The following ELMO2 variants were observed in gnomAD, a reference collection of about 807,000 sequenced individuals.
The protein encoded by ELMO2 is engulfment and cell motility 2.
In ELMO2, 37 loss-of-function variants were observed where a neutral mutation model predicts 96.2. The observed-to-expected ratio is 0.38, with a 90% CI of 0.30 to 0.51. The LOEUF (loss-of-function observed/expected upper bound fraction) is 0.51, where lower values mean the gene tolerates loss of function less well. Ranked by LOEUF, ELMO2 falls within the 20% of genes least tolerant of loss-of-function variation. The pLI, the probability that ELMO2 is intolerant of heterozygous loss-of-function variation, is 0.88. For synonymous variants in ELMO2, 315 were observed against 329.4 expected, an observed-to-expected ratio of 0.96 and a Z score of 0.47; for missense variants, 561 against 912.6, an observed-to-expected ratio of 0.61 and a Z score of 4.96.
intron 16 of ELMO2, among the ~76,000 whole-genome samples, chr20:46,372,608 G>A (rs2059746849): frequency 6.6e-6 from 1 of 152,206 alleles, no homozygotes; most frequent in African/African-American, 2.4e-5. Flanking sequence ...TCCAGCCTGG[G>A]TGACAAGAGT....
At chr20:46,377,568 A>G (rs1555826579) in intron 11 of ELMO2, among the ~76,000 whole-genome samples, 2 of 152,258 alleles carry the variant, frequency 1.3e-5, no homozygotes, top group African/African-American at 2.4e-5. Context: ...ATTACAAATT[A>G]GGTCCTCAGC....
chr20:46,383,315 GA>G, intron 10 of ELMO2, 100 bp downstream of exon 10: 1 of 1,280,456 alleles, frequency 7.8e-7, no homozygotes, highest in Admixed American at 1.7e-5. Context: ...GAACTCTTGG[GA>G]AAATTGCTGG....
At chr20:46,372,697 T>C (rs2059750028) in intron 16 of ELMO2, 1 of 152,186 alleles carries the variant, frequency 6.6e-6, no homozygotes, top group African/African-American at 2.4e-5. Context: ...TTTAAAAAAA[T>C]GCATTGGTCC....
chr20:46,382,994 G>A (rs1461266604), intron 10 of ELMO2, among the ~76,000 whole-genome samples: 1 of 152,192 alleles, frequency 6.6e-6, no homozygotes, highest in Non-Finnish European at 1.5e-5. Context: ...TAACCCAGGA[G>A]TTGGCAAACT....
chr20:46,383,035 G>A (rs1443292001), intron 10 of ELMO2, among the ~76,000 whole-genome samples: 1 of 152,144 alleles, frequency 6.6e-6, no homozygotes, highest in Non-Finnish European at 1.5e-5. Flanking sequence ...GCCTGTTTTT[G>A]TAAATAAGAT....
intron 1 of ELMO2, among the ~76,000 whole-genome samples, chr20:46,402,094 G>T (rs538247339): frequency 6.6e-6 from 1 of 152,168 alleles, no homozygotes; most frequent in Non-Finnish European, 1.5e-5. Flanking sequence ...GATAAGGTCC[G>T]AGAAACAGTG....
In ELMO2 at chr20:46,367,273, C is replaced by T. The variant is rs992743946; in HGVS notation, c.*87G>A. ...CACCAAAATCACTACAGATTCTGTA[C>T]AAGCAAAAGACAAGGCACCAGAATG... On this transcript the variant is annotated 3_prime_UTR_variant, in exon 22 of 22. Transcript: ENST00000290246. 9 of 1,283,738 alleles carry T rather than the reference C, an allele frequency of 7.0e-6. No homozygotes were observed. In the African/African-American group the frequency reaches 7.7e-5, roughly 11 times the overall value. The allele number at this position is 1,283,738 out of a possible 1,614,324, so 79.5% of individuals were successfully genotyped here. A position where few individuals can be genotyped will look rare whatever the true frequency, so the allele number is the denominator to read the frequency against.
chr20:46,404,756 T>G (rs1568796146), intron 1 of ELMO2, among the ~76,000 whole-genome samples: 1 of 152,206 alleles, frequency 6.6e-6, no homozygotes, highest in East Asian at 1.9e-4. Flanking sequence ...AATATCCCAT[T>G]AATAATGTTT....
At position 46,389,128 on chromosome 20, in the gene ELMO2, G is replaced by A. The variant is rs376369485; in HGVS notation, c.336C>T (p.Ala112=). 3.8e-5 allele frequency: 61 copies of A among 1,614,046 alleles called. No homozygotes were observed. Among genetic ancestry groups the A allele is most frequent in the Non-Finnish European group, 4.8e-5 (57 of 1,180,032 alleles). The change falls in exon 7 of 22, where the codon GCC becomes GCT. Residue 112 remains alanine, a synonymous_variant. Coordinates refer to ENST00000290246, the MANE Select transcript of ELMO2 (RefSeq NM_133171.5). ...DAMKELAKLS[A]DVTFATEFIN... is the part of the protein sequence containing the mutation. ...TGAACTCAGTAGCGAAAGTCACGTC[G>A]GCAGAGAGCTTGGCCAGCTCCTTCA...
At position 46,367,079 on chromosome 20, in the gene ELMO2, G is replaced by C. The variant is rs2059598317; in HGVS notation, c.*281C>G. On this transcript the variant is annotated 3_prime_UTR_variant, in exon 22 of 22. Transcript: ENST00000290246. ...AATCCATTTCAAGAAGCAGTTTCTT[G>C]GACTGGAAGGCAAGGGCATCTGCTG... The C allele has an allele frequency of 3.2e-6, 1 of 310,794 alleles. No individual in the cohort carries two copies. The highest frequency in any genetic ancestry group is 5.9e-6 in the Non-Finnish European group (1 of 170,740). 19.3% of individuals were successfully genotyped at this position (310,794 alleles called of 1,614,324 possible). A position where few individuals can be genotyped will look rare whatever the true frequency, so the allele number is the denominator to read the frequency against.
intron 1 of ELMO2, among the ~76,000 whole-genome samples, chr20:46,406,270 G>A (rs887739214): frequency 6.9e-6 from 1 of 144,190 alleles, no homozygotes; most frequent in Admixed American, 6.9e-5. Flanking sequence ...CCCAGCCCCC[G>A]TGCCTGACTG....
intron 7 of ELMO2, 105 bp from the exon 8 acceptor site, chr20:46,387,542 T>C: frequency 1.3e-6 from 1 of 796,076 alleles, no homozygotes; most frequent in Admixed American, 2.2e-5. Flanking sequence ...GAACACCCCA[T>C]GGGAAATCAG....
At chr20:46,400,303 C>A (rs2060314289) in intron 1 of ELMO2, among the ~76,000 whole-genome samples, 1 of 152,190 alleles carries the variant, frequency 6.6e-6, no homozygotes, top group South Asian at 2.1e-4. Flanking sequence ...AGATAGGAGA[C>A]TAGAAATAAT....
At chr20:46,381,588 G>A (rs920129920) in intron 10 of ELMO2, among the ~76,000 whole-genome samples, 7 of 152,170 alleles carry the variant, frequency 4.6e-5, no homozygotes, top group South Asian at 2.1e-4. Flanking sequence ...ATAGGAGGTC[G>A]ACTGAGATTA....
chr20:46,375,610 G>T lies in ELMO2; in HGVS notation c.930+58C>A. ...GACCAAGCACAGTGCCTGGCACATA[G>T]ACTAAGGCTGGACTGCACCACAGCC... On this transcript the variant is annotated intron_variant, in intron 12 of 21. Coordinates refer to ENST00000290246, the MANE Select transcript of ELMO2 (RefSeq NM_133171.5). This position sits in a 1 kb window ranked among gnomAD's most constrained non-coding sequence, Gnocchi z 4.6. 1 of 1,609,894 alleles carries T rather than the reference G, an allele frequency of 6.2e-7. No individual in the cohort carries two copies. The highest frequency in any genetic ancestry group is 1.1e-5 in the South Asian group (1 of 90,724).
Position 46,374,333 on chromosome 20 carries a change from T to C in ELMO2, c.1278A>G (p.Leu426=), listed in dbSNP as rs2059807053. 1.2e-6 allele frequency: 2 copies of C among 1,613,056 alleles called. No individual in the cohort carries two copies. The highest frequency in any genetic ancestry group is 1.3e-5 in the African/African-American group (1 of 74,994). The change falls in exon 15 of 22, where the codon CTA becomes CTG. Residue 426 remains leucine, a splice_region_variant and synonymous_variant. Coordinates refer to ENST00000290246, the MANE Select transcript of ELMO2 (RefSeq NM_133171.5). ...MLCEILQVGE[L]PNEGRNDYHP... is the part of the protein sequence containing the mutation. ...GAAGAGGGAGCTGCAGAGACTTACGTAGTTCCCCAACCTGCAGGATTTCAC... is the reference window on the plus strand; with the variant it reads ...GAAGAGGGAGCTGCAGAGACTTACGCAGTTCCCCAACCTGCAGGATTTCAC...
chr20:46,395,438 A>G (rs1178207426), intron 2 of ELMO2, among the ~76,000 whole-genome samples: 2 of 152,178 alleles, frequency 1.3e-5, no homozygotes, highest in Non-Finnish European at 2.9e-5. Context: ...CTCCTTGCCT[A>G]CAAGTTCAGG....
chr20:46,384,271 C>T (rs113364310), intron 9 of ELMO2, among the ~76,000 whole-genome samples: 2 of 152,292 alleles, frequency 1.3e-5, no homozygotes, highest in African/African-American at 2.4e-5. Context: ...AAAATAACTA[C>T]AATCATTCTC....
intron 1 of ELMO2, among the ~76,000 whole-genome samples, chr20:46,400,902 G>A (rs1436737061): frequency 6.6e-6 from 1 of 152,210 alleles, no homozygotes; most frequent in Non-Finnish European, 1.5e-5. Context: ...TGGATTCTGA[G>A]AGCAGGATTG....
Sources: gnomAD v4.1 joint callset for allele counts (sites outside exome capture counted in the v4.1 genomes callset) on GRCh38, gnomAD v4.1.1 for gene constraint, Gnocchi (gnomAD v3.1) non-coding constraint, MANE v1.5 for transcripts, NCBI Gene and HGNC (gene_info 2026-07-23, HGNC 2026-07-21) for gene names.